The following FNDC3B variants were observed in gnomAD, a reference collection of about 807,000 sequenced individuals.
FNDC3B encodes the protein fibronectin type III domain containing 3B.
Under a neutral mutation model 151.5 loss-of-function variants are expected in FNDC3B, and 12 were observed. The observed-to-expected ratio is 0.08, with a 90% CI of 0.05 to 0.13. The LOEUF (loss-of-function observed/expected upper bound fraction) is 0.13, where lower values mean the gene tolerates loss of function less well. Among genes scored for constraint, FNDC3B ranks in the 10% least tolerant of loss-of-function variants. The pLI, the probability that FNDC3B is intolerant of heterozygous loss-of-function variation, is 1.00. For synonymous variants in FNDC3B, 528 were observed against 549.0 expected, an observed-to-expected ratio of 0.96 and a Z score of 0.54; for missense variants, 1,214 against 1,505.3, an observed-to-expected ratio of 0.81 and a Z score of 3.20.
At chr3:172,383,782 C>A (rs936305800) in intron 25 of FNDC3B, among the ~76,000 whole-genome samples, 1 of 152,196 alleles carries the variant, frequency 6.6e-6, no homozygotes, top group African/African-American at 2.4e-5. Flanking sequence ...ATTCTTAATT[C>A]TTCCAAAGAA....
chr3:172,379,126 G>A (rs754189135), intron 24 of FNDC3B, among the ~76,000 whole-genome samples: 16 of 152,112 alleles, frequency 1.1e-4, no homozygotes, highest in African/African-American at 3.1e-4. Flanking sequence ...GCCTGACTGC[G>A]GCTGACTTGC....
intron 3 of FNDC3B, among the ~76,000 whole-genome samples, chr3:172,177,116 T>C (rs1560002802): frequency 6.6e-6 from 1 of 152,202 alleles, no homozygotes; most frequent in African/African-American, 2.4e-5. Context: ...TGGAGGGTTC[T>C]GAAACTGACT....
chr3:172,044,493 A>G (rs1241354165), intron 1 of FNDC3B, among the ~76,000 whole-genome samples: 2 of 152,088 alleles, frequency 1.3e-5, no homozygotes, highest in African/African-American at 4.8e-5. Context: ...TATGTCTGTA[A>G]ATTATCTTTG....
At chr3:172,262,285 C>T (rs552831774) in intron 6 of FNDC3B, among the ~76,000 whole-genome samples, 4 of 152,264 alleles carry the variant, frequency 2.6e-5, no homozygotes, top group South Asian at 2.1e-4. Context: ...AGCCTTTTTG[C>T]CCTGTTGTGG....
intron 1 of FNDC3B, among the ~76,000 whole-genome samples, chr3:172,095,524 A>G (rs1719052011): frequency 6.6e-6 from 1 of 152,214 alleles, no homozygotes; most frequent in African/African-American, 2.4e-5. Flanking sequence ...GTACTCATAG[A>G]GAGGGGTTTT....
At chr3:172,341,381 G>C (rs889087326) in intron 17 of FNDC3B, 150 bp downstream of exon 17, 3 of 689,844 alleles carry the variant, frequency 4.3e-6, no homozygotes, top group African/African-American at 3.5e-5. Flanking sequence ...AGAGCTTTCT[G>C]AATTGCTGTT....
chr3:172,192,998 G>A (rs1264526412), intron 3 of FNDC3B, among the ~76,000 whole-genome samples: 1 of 152,006 alleles, frequency 6.6e-6, no homozygotes, highest in African/African-American at 2.4e-5. Context: ...ATTAATGATT[G>A]TCTTAAATGT....
intron 6 of FNDC3B, among the ~76,000 whole-genome samples, chr3:172,261,641 G>A (rs1263158414): frequency 6.6e-6 from 1 of 152,158 alleles, no homozygotes; most frequent in Non-Finnish European, 1.5e-5. Flanking sequence ...GATAACACAA[G>A]TGTGATGTGG....
At position 172,397,339 on chromosome 3, in the gene FNDC3B, A is replaced by T. The variant is rs142196902; in HGVS notation, c.3479A>T (p.Asp1160Val). The change falls in exon 26 of 26, where the codon GAC (aspartate) becomes GTC (valine). Residue 1160 changes from aspartate (D) to valine (V), a missense_variant. Coordinates refer to ENST00000415807, the MANE Select transcript of FNDC3B (RefSeq NM_022763.4). ...LQRSEVMLTGDMGSLDDPKMK... is the reference protein window; with the variant it reads ...LQRSEVMLTGVMGSLDDPKMK... Reference sequence around the variant, plus strand: ...CGAAGTGAGGTCATGCTTACAGGGGACATGGGGAGCTTAGATGATCCCAAA... The same window carrying T: ...CGAAGTGAGGTCATGCTTACAGGGGTCATGGGGAGCTTAGATGATCCCAAA... 6.2e-7 allele frequency: 1 copy of T among 1,614,156 alleles called. No individual in the cohort carries two copies.
intron 2 of FNDC3B, among the ~76,000 whole-genome samples, chr3:172,131,364 T>G (rs1053219438): frequency 1.3e-5 from 2 of 148,696 alleles, no homozygotes; most frequent in Non-Finnish European, 3.0e-5. Context: ...TTGCACTCCA[T>G]CCTGGGCAAC....
intron 2 of FNDC3B, among the ~76,000 whole-genome samples, chr3:172,127,560 A>G (rs1248077776): frequency 2.2e-4 from 3 of 13,594 alleles, no homozygotes; most frequent in Admixed American, 7.2e-4. Flanking sequence ...TCATTGTAGA[A>G]AAAAAACCTG....
chr3:172,286,734 G>T (rs1730040146), intron 7 of FNDC3B, among the ~76,000 whole-genome samples: 1 of 152,192 alleles, frequency 6.6e-6, no homozygotes, highest in Non-Finnish European at 1.5e-5. Context: ...TTGCCGTTGG[G>T]AGGGGTGCAG....
intron 3 of FNDC3B, among the ~76,000 whole-genome samples, chr3:172,151,168 T>C (rs1165713921): frequency 6.6e-6 from 1 of 152,220 alleles, no homozygotes; most frequent in Non-Finnish European, 1.5e-5. Flanking sequence ...TGTGTGTGCA[T>C]ATGTATGCAT....
intron 3 of FNDC3B, chr3:172,186,869 G>T: frequency 1.7e-6 from 1 of 597,200 alleles, no homozygotes; most frequent in African/African-American, 1.9e-5. Flanking sequence ...TGGATTAAGT[G>T]GCCCACAGTC....
intron 8 of FNDC3B, among the ~76,000 whole-genome samples, chr3:172,296,160 G>T (rs990779611): frequency 3.3e-5 from 5 of 152,192 alleles, no homozygotes; most frequent in South Asian, 2.1e-4. Flanking sequence ...GCTCAGATTT[G>T]CAGAGCAGGA....
chr3:172,168,304 C>T (rs1409356372), intron 3 of FNDC3B, among the ~76,000 whole-genome samples: 2 of 152,186 alleles, frequency 1.3e-5, no homozygotes, highest in East Asian at 3.8e-4. Context: ...CTCTCCTACT[C>T]ATCTTATAAA....
chr3:172,335,044 A>G lies in FNDC3B; in HGVS notation c.1742A>G (p.Lys581Arg), dbSNP rs2108295428. 8.1e-6 allele frequency: 13 copies of G among 1,613,116 alleles called. No individual in the cohort carries two copies. Among genetic ancestry groups the G allele is most frequent in the African/African-American group, 1.3e-5 (1 of 74,908 alleles). Residue 581 changes from lysine (K) to arginine (R), a missense_variant, in exon 15 of 26, where the codon AAA becomes AGA. Physicochemically the swap from Lys to Arg is conservative, Grantham distance 26 (BLOSUM62 2). This residue lies in a region of FNDC3B where 380 missense variants were observed against 420.9 expected (regional missense o/e 0.90). Transcript: ENST00000415807. Reference sequence around the variant, plus strand: ...GGACCTCCTACCAGACCGCTTGTCAAAGGCCCAGTTACATCTCATGGCTTT... The same window carrying G: ...GGACCTCCTACCAGACCGCTTGTCAGAGGCCCAGTTACATCTCATGGCTTT... Reference protein sequence around the residue: ...RPGPPTRPLVKGPVTSHGFSV... With the variant: ...RPGPPTRPLVRGPVTSHGFSV...
rs1025128817 is a variant in FNDC3B, at chr3:172,365,186, A to G, written c.3008+2341A>G. On this transcript the variant is annotated intron_variant, in intron 23 of 25. Transcript: ENST00000415807. ...TTATTAGCATAGCCTTTGTCAATCT[A>G]GCCTCCTCAAGGTTCTTTAGGACCT... 7.2e-5 allele frequency among the ~76,000 whole-genome samples: 11 copies of G among 152,198 alleles called. No individual in the cohort carries two copies. In the East Asian group the frequency reaches 2.1e-3, roughly 29 times the overall value.
chr3:172,318,244 C>T (rs1293213589), intron 11 of FNDC3B, among the ~76,000 whole-genome samples: 5 of 152,198 alleles, frequency 3.3e-5, no homozygotes, highest in East Asian at 1.9e-4. Context: ...GGCCAGCAGC[C>T]GGTAGAACCC....
Sources: gnomAD v4.1 joint callset for allele counts (sites outside exome capture counted in the v4.1 genomes callset) on GRCh38, gnomAD v4.1.1 for gene constraint, gnomAD v4.1.1 regional missense constraint, MANE v1.5 for transcripts, NCBI Gene and HGNC (gene_info 2026-07-23, HGNC 2026-07-21) for gene names.